The following HEATR4 variants were observed in gnomAD, a reference collection of about 807,000 sequenced individuals.
HEATR4 encodes HEAT repeat containing 4.
A neutral mutation model predicts 108.8 loss-of-function variants in HEATR4; 95 were observed. The ratio of observed to expected loss-of-function variants is 0.87; its 90% CI spans 0.74 to 1.04. The LOEUF is 1.04. Ranked by LOEUF, HEATR4 falls within the 50% of genes least tolerant of loss-of-function variation. HEATR4 has a pLI of 0.00. For synonymous variants in HEATR4, 443 were observed against 459.4 expected, an observed-to-expected ratio of 0.96 and a Z score of 0.46; for missense variants, 1,152 against 1,253.8, an observed-to-expected ratio of 0.92 and a Z score of 1.23.
the HEATR4 span, chr14:73,581,459 CTGTGTATG>C: frequency 1.3e-5 from 2 of 151,678 alleles, no homozygotes; most frequent in Admixed American, 6.6e-5. Flanking sequence ...GTGTGTGTGT[CTGTGTATG>C]TGTGTGTGTG....
chr14:73,605,972 T>C, the HEATR4 span, among the ~76,000 whole-genome samples: 1 of 152,098 alleles, frequency 6.6e-6, no homozygotes, highest in African/African-American at 2.4e-5. Context: ...ATCACCCAGA[T>C]CGATTAACCG....
At chr14:73,625,707 C>T in the HEATR4 span, among the ~76,000 whole-genome samples, 1 of 152,142 alleles carries the variant, frequency 6.6e-6, no homozygotes, top group Admixed American at 6.6e-5. Context: ...GATGTTACTA[C>T]TGTAATTGTT....
chr14:73,487,526 C>A (rs1478545332), intron 17 of HEATR4, among the ~76,000 whole-genome samples: 1 of 152,166 alleles, frequency 6.6e-6, no homozygotes, highest in Non-Finnish European at 1.5e-5. Context: ...CAAGATAGCA[C>A]CACTGCACTC....
rs772647746 is a variant in HEATR4, at chr14:73,478,684, A to T, written c.3003T>A (p.Tyr1001Ter). ...GPFRSDYPALYLGKFSERTFF... is the reference protein window; with the variant it reads ...GPFRSDYPAL Reference sequence around the variant, plus strand: ...ATGTTCTCTCTGAGAATTTACCCAGATAAAGAGCTGGGTAGTCGGATCTAA... The same window carrying T: ...ATGTTCTCTCTGAGAATTTACCCAGTTAAAGAGCTGGGTAGTCGGATCTAA... Residue 1001 changes from tyrosine (Y) to a stop codon, truncating the protein, a stop_gained, in exon 18 of 18, where the codon TAT becomes TAA. Coordinates refer to ENST00000553558, the MANE Select transcript of HEATR4 (RefSeq NM_001220484.1). LOFTEE classifies it low-confidence loss of function (END_TRUNC). 1 of 1,613,888 alleles carries T rather than the reference A, an allele frequency of 6.2e-7. No homozygotes were observed. The highest frequency in any genetic ancestry group is 1.3e-5 in the African/African-American group (1 of 74,970).
intron 5 of HEATR4, among the ~76,000 whole-genome samples, chr14:73,515,436 T>C (rs538994759): frequency 6.6e-6 from 1 of 151,946 alleles, no homozygotes; most frequent in East Asian, 1.9e-4. Context: ...TCCCAGCACT[T>C]TGGGAGGCCA....
chr14:73,495,071 A>C (rs966025044), intron 16 of HEATR4, among the ~76,000 whole-genome samples, 157 bp downstream of exon 16: 10 of 147,772 alleles, frequency 6.8e-5, no homozygotes, highest in Admixed American at 2.7e-4. Flanking sequence ...CAAAAAAAAA[A>C]CACAAAGACT....
chr14:73,619,037 C>T, the HEATR4 span, among the ~76,000 whole-genome samples: 35 of 151,566 alleles, frequency 2.3e-4, no homozygotes, highest in Non-Finnish European at 3.8e-4. Flanking sequence ...GGCTGAGGCA[C>T]GAGAATTGCT....
Position 73,514,185 on chromosome 14 carries a change from G to A in HEATR4, c.1260C>T (p.Pro420=), listed in dbSNP as rs779951152. The A allele has an allele frequency of 2.0e-5, 33 of 1,614,066 alleles. No homozygotes were observed. The highest frequency in any genetic ancestry group is 1.6e-4 in the Middle Eastern group (1 of 6,084). Residue 420 remains proline (P), a synonymous_variant, in exon 6 of 18, where the codon CCC becomes CCT. Coordinates refer to ENST00000553558, the MANE Select transcript of HEATR4 (RefSeq NM_001220484.1). ...CCACCTGCAGCAGCATATCCTTGGC[G>A]GGGGTGGGCAAAGCAGTCCAGCGCA... ...GALRWTALPT[P]AKDMLLQVGE...
rs1478988313 is a variant in HEATR4, at chr14:73,498,270, G to C, written c.2431C>G (p.Pro811Ala). ...LLWAIHYEESPGVRLEACRSI... is the reference protein window; with the variant it reads ...LLWAIHYEESAGVRLEACRSI... ...CGGCAAGCTTCCAGCCGTACACCTG[G>C]TGACTCTTCATAGTGGATAGCCCAG... Residue 811 changes from proline (P) to alanine (A), a missense_variant, in exon 14 of 18, where the codon CCA becomes GCA. Pro to Ala is a conservative substitution (Grantham distance 27). Coordinates refer to ENST00000553558, the MANE Select transcript of HEATR4 (RefSeq NM_001220484.1). The C allele has an allele frequency of 1.9e-6, 3 of 1,613,966 alleles. No individual in the cohort carries two copies. The highest frequency in any genetic ancestry group is 8.5e-7 in the Non-Finnish European group (1 of 1,180,014).
Position 73,546,855 on chromosome 14 carries a change from G to A in HEATR4, c.-152+11896C>T. On this transcript the variant is annotated intron_variant, in intron 1 of 17. Transcript: ENST00000553558. Reference sequence around the variant, plus strand: ...TAATCCCAGCACTTTGGGAGGCCGAGGCGGGCAGATCACCTGAGGTCAGGA... The same window carrying A: ...TAATCCCAGCACTTTGGGAGGCCGAAGCGGGCAGATCACCTGAGGTCAGGA... Among the ~76,000 whole-genome samples, 2 of 107,834 alleles carry A rather than the reference G, an allele frequency of 1.9e-5. 1 individual carries two copies. Among genetic ancestry groups the A allele is most frequent in the African/African-American group, 5.7e-5 (2 of 35,180 alleles). The allele number at this position is 107,834 out of a possible 152,430, so 70.7% of individuals were successfully genotyped here. A position where few individuals can be genotyped will look rare whatever the true frequency, so the allele number is the denominator to read the frequency against.
chr14:73,521,059 G>A lies in HEATR4; in HGVS notation c.882-20C>T, dbSNP rs772096557. 6.2e-7 allele frequency: 1 copy of A among 1,606,400 alleles called. No homozygotes were observed. The highest frequency in any genetic ancestry group is 2.2e-5 in the East Asian group (1 of 44,744). ...GGCAATCTTGGCAGGGGTGAGAAAGGAGGGAAAAGGGGGAAAGAGTAGGAG... is the reference window on the plus strand; with the variant it reads ...GGCAATCTTGGCAGGGGTGAGAAAGAAGGGAAAAGGGGGAAAGAGTAGGAG... On this transcript the variant is annotated intron_variant, in intron 3 of 17. Coordinates refer to ENST00000553558, the MANE Select transcript of HEATR4 (RefSeq NM_001220484.1).
chr14:73,488,090 G>T (rs894397398), intron 17 of HEATR4, among the ~76,000 whole-genome samples: 3 of 152,154 alleles, frequency 2.0e-5, no homozygotes, highest in African/African-American at 4.8e-5. Flanking sequence ...AATTCATCTT[G>T]TAGCTATCTG....
rs1235558816 is a variant in HEATR4 at position 73,520,875 on chromosome 14, G to T, written c.1046C>A (p.Thr349Asn). ...AGKFAYSTDN[T>N]FEQEIYFDEV... The stretch of plus-strand genomic sequence containing the variant: ...ACCAAAGTAAATCTCCTGTTCAAAG[G>T]TGTTGTCTGTGGAGTAGGCAAACTT... Residue 349 changes from threonine (T) to asparagine (N), a missense_variant, in exon 4 of 18, where the codon ACC (threonine) becomes AAC (asparagine). Thr to Asn is a moderately conservative substitution (Grantham distance 65). Coordinates refer to ENST00000553558, the MANE Select transcript of HEATR4 (RefSeq NM_001220484.1). The T allele has an allele frequency of 6.2e-7, 1 of 1,614,018 alleles. No individual in the cohort carries two copies. The highest frequency in any genetic ancestry group is 1.1e-5 in the South Asian group (1 of 91,074).
At chr14:73,487,958 G>C (rs1885515894) in intron 17 of HEATR4, among the ~76,000 whole-genome samples, 1 of 152,180 alleles carries the variant, frequency 6.6e-6, no homozygotes, top group Admixed American at 6.5e-5. Context: ...ACAGGGGTTG[G>C]GGATGATAGG....
chr14:73,587,119 T>C, the HEATR4 span, among the ~76,000 whole-genome samples: 1 of 142,320 alleles, frequency 7.0e-6, no homozygotes, highest in African/African-American at 2.7e-5. Flanking sequence ...ATTAAATGAT[T>C]CCCTGCCTGG....
the HEATR4 span, among the ~76,000 whole-genome samples, chr14:73,570,972 G>A: frequency 2.4e-5 from 3 of 124,052 alleles, no homozygotes; most frequent in African/African-American, 6.0e-5. Context: ...TGACTAGGAA[G>A]CCACTTTTTT....
At chr14:73,586,505 G>T in the HEATR4 span, among the ~76,000 whole-genome samples, 1 of 152,006 alleles carries the variant, frequency 6.6e-6, no homozygotes, top group Non-Finnish European at 1.5e-5. Context: ...GGGAGTTGGA[G>T]ACCAGCCTGG....
the HEATR4 span, chr14:73,591,994 G>A: frequency 3.5e-6 from 5 of 1,418,826 alleles, no homozygotes; most frequent in African/African-American, 6.1e-5. Flanking sequence ...CCCCCAGGCC[G>A]CTGCTGCTGG....
chr14:73,591,752 G>A, the HEATR4 span: 3 of 457,568 alleles, frequency 6.6e-6, no homozygotes, highest in Non-Finnish European at 3.6e-6. Context: ...AGACGACCCT[G>A]AAGAGGAGCC....
Sources: allele counts gnomAD v4.1 joint callset (sites outside exome capture counted in the v4.1 genomes callset), GRCh38; gene constraint gnomAD v4.1.1; transcripts MANE v1.5; gene names NCBI Gene and HGNC (gene_info 2026-07-23, HGNC 2026-07-21).